TEKT1: variants seen among roughly 807,000 people sequenced by gnomAD.
The protein encoded by TEKT1 is tektin 1, also known as tektin-1.
In TEKT1, 32 loss-of-function variants were observed where a neutral mutation model predicts 34.8. The observed-to-expected ratio is 0.92, with a 90% confidence interval of 0.69 to 1.23. The LOEUF (loss-of-function observed/expected upper bound fraction) is 1.23. Ranked by LOEUF, TEKT1 falls within the 50% of genes most tolerant of loss-of-function variation. The pLI, the probability that TEKT1 is intolerant of heterozygous loss-of-function variation, is 0.00. For missense variants in TEKT1, 492 were observed against 518.5 expected (o/e 0.95, Z 0.50); for synonymous variants, 207 against 199.8 (o/e 1.04, Z -0.30).
At chr17:6,813,946 T>TTCCCTCTCTCTCTCTCTC (rs146111910) in intron 5 of TEKT1, among the ~76,000 whole-genome samples, 4 of 145,852 alleles carry the variant, frequency 2.7e-5, no homozygotes, top group South Asian at 2.3e-4. Flanking sequence ...CTGTCATCCG[T>TTCCCTCTCTCTCTCTCTC]TCTCTCTCTC....
intron 2 of TEKT1, among the ~76,000 whole-genome samples, chr17:6,824,848 A>G (rs565036395): frequency 6.6e-6 from 1 of 152,376 alleles, no homozygotes; most frequent in South Asian, 2.1e-4. Context: ...ATCTTGGGAC[A>G]TACTTATTTT....
At chr17:6,807,401 C>T (rs889741383) in intron 6 of TEKT1, among the ~76,000 whole-genome samples, 14 of 152,002 alleles carry the variant, frequency 9.2e-5, no homozygotes, top group Non-Finnish European at 2.1e-4. Context: ...AACTTCTTTG[C>T]CATGGGTTCG....
rs1976998377 is a variant in TEKT1 at position 6,815,866 on chromosome 17, G to T, written c.453C>A (p.Thr151=). 1 of 1,614,190 alleles carries T rather than the reference G, an allele frequency of 6.2e-7. No homozygotes were observed. Among genetic ancestry groups the T allele is most frequent in the Non-Finnish European group, 8.5e-7 (1 of 1,180,038 alleles). Residue 151 remains threonine (T), a synonymous_variant, in exon 4 of 8, where the codon ACC becomes ACA. Coordinates refer to ENST00000338694, the MANE Select transcript of TEKT1 (RefSeq NM_053285.2). ...GCTCGGAAGCCTCCTCCAAGGTACG[G>T]GTCAGCAGAGCCATAATGCCCTGGA... ...EIIQGIMALL[T]RTLEEASEQI... is the part of the protein sequence containing the mutation.
At chr17:6,817,775 T>C (rs1310628181) in intron 3 of TEKT1, among the ~76,000 whole-genome samples, 1 of 152,018 alleles carries the variant, frequency 6.6e-6, no homozygotes, top group African/African-American at 2.4e-5. Flanking sequence ...AAAATGGGGG[T>C]AATTATTAGT....
intron 2 of TEKT1, among the ~76,000 whole-genome samples, chr17:6,828,842 A>AT (rs1302363485): frequency 1.3e-5 from 2 of 152,126 alleles, no homozygotes; most frequent in Non-Finnish European, 2.9e-5. Context: ...TCTTTGCTAA[A>AT]GAACGCTACC....
chr17:6,815,721 G>A (rs1976996099), intron 4 of TEKT1, 113 bp downstream of exon 4: 2 of 1,474,682 alleles, frequency 1.4e-6, no homozygotes, highest in Non-Finnish European at 1.8e-6. Flanking sequence ...CACAAAGTGG[G>A]AGCGGGAATG....
intron 6 of TEKT1, among the ~76,000 whole-genome samples, chr17:6,801,237 C>T (rs1162061683): frequency 1.3e-5 from 2 of 152,214 alleles, no homozygotes; most frequent in Non-Finnish European, 2.9e-5. Flanking sequence ...CACTACTGCT[C>T]AAAGCTGCCT....
At chr17:6,801,049 G>T (rs1597783965) in intron 6 of TEKT1, 106 bp from the exon 7 acceptor site, 1 of 1,101,640 alleles carries the variant, frequency 9.1e-7, no homozygotes, top group East Asian at 2.4e-5. Context: ...GGGAACCTCA[G>T]ATTTCTTCTT....
At position 6,823,517 on chromosome 17, in the gene TEKT1, G is replaced by C. The variant is rs962651199; in HGVS notation, c.191-4159C>G. Among the ~76,000 whole-genome samples, 4 of 152,132 alleles carry C rather than the reference G, an allele frequency of 2.6e-5. No individual in the cohort carries two copies. In the South Asian group the frequency reaches 8.3e-4, roughly 32 times the overall value. Reference sequence around the variant, plus strand: ...TGGGGCATAGCTTTATTATTATTTTGTTAGCTTTACTGTTATTAATTCTTT... The same window carrying C: ...TGGGGCATAGCTTTATTATTATTTTCTTAGCTTTACTGTTATTAATTCTTT... On this transcript the variant is annotated intron_variant, in intron 2 of 7. Transcript: ENST00000338694.
intron 2 of TEKT1, among the ~76,000 whole-genome samples, chr17:6,828,281 A>G (rs949290006): frequency 1.3e-5 from 2 of 152,128 alleles, no homozygotes; most frequent in Admixed American, 6.5e-5. Flanking sequence ...TTGCACAATT[A>G]TTTAGAACAG....
intron 2 of TEKT1, among the ~76,000 whole-genome samples, chr17:6,829,399 T>A (rs955424669): frequency 6.6e-6 from 1 of 152,214 alleles, no homozygotes; most frequent in Admixed American, 6.5e-5. Context: ...TTATACAAAA[T>A]GGTGTAGTGT....
intron 3 of TEKT1, among the ~76,000 whole-genome samples, chr17:6,817,614 A>G (rs894101103): frequency 1.3e-5 from 2 of 151,832 alleles, no homozygotes; most frequent in African/African-American, 4.9e-5. Flanking sequence ...TCTAGCCAAG[A>G]TGCCATCCTC....
chr17:6,816,044 A>T lies in TEKT1; in HGVS notation c.357-82T>A, dbSNP rs954033707. On this transcript the variant is annotated intron_variant, in intron 3 of 7. Transcript: ENST00000338694. The stretch of plus-strand genomic sequence containing the variant: ...ATTGGCTAATGGCTGCACACTCAGA[A>T]CTATCTGCACGACTGATTTGAGTGT... 3.2e-6 allele frequency: 5 copies of T among 1,558,554 alleles called. No homozygotes were observed. In the African/African-American group the frequency reaches 6.8e-5, roughly 21 times the overall value.
Position 6,813,946 on chromosome 17 carries a change from T to TTCTCTCTCTCTCTCTCTCTCTCTC in TEKT1, c.630-917_630-894dup, listed in dbSNP as rs71157224. On this transcript the variant is annotated intron_variant, in intron 5 of 7. Transcript: ENST00000338694. ...AAAAGACTGTGGCTTCTGTCATCCG[T>TTCTCTCTCTCTCTCTCTCTCTCTC]TCTCTCTCTCTCTCTCTCTCTCTCT... Among the ~76,000 whole-genome samples the TTCTCTCTCTCTCTCTCTCTCTCTC allele has an allele frequency of 3.4e-4, 49 of 145,850 alleles. 1 individual carries two copies. Among genetic ancestry groups the TTCTCTCTCTCTCTCTCTCTCTCTC allele is most frequent in the Admixed American group, 7.6e-4 (11 of 14,568 alleles).
intron 6 of TEKT1, among the ~76,000 whole-genome samples, chr17:6,809,479 G>T (rs186362476): frequency 2.0e-4 from 30 of 152,102 alleles, no homozygotes; most frequent in Admixed American, 1.3e-3. Flanking sequence ...TGATCCACCC[G>T]CCTCAGCCTC....
chr17:6,826,674 C>T (rs900417317), intron 2 of TEKT1, among the ~76,000 whole-genome samples: 8 of 148,696 alleles, frequency 5.4e-5, no homozygotes, highest in Admixed American at 6.7e-5. Flanking sequence ...ATAGATAATA[C>T]GAGGTAGGGG....
chr17:6,800,633 G>A (rs894734443), intron 7 of TEKT1, 114 bp downstream of exon 7: 1 of 1,299,552 alleles, frequency 7.7e-7, no homozygotes, highest in Non-Finnish European at 1.1e-6. Flanking sequence ...CATTCCTCAA[G>A]CATTCCAGAG....
chr17:6,816,832 A>T (rs1050140728), intron 3 of TEKT1, among the ~76,000 whole-genome samples: 2 of 152,066 alleles, frequency 1.3e-5, no homozygotes, highest in Non-Finnish European at 2.9e-5. Flanking sequence ...GGTTGCACTA[A>T]TTTACCCTCC....
chr17:6,806,368 C>A (rs1455595108), intron 6 of TEKT1, among the ~76,000 whole-genome samples: 2 of 152,152 alleles, frequency 1.3e-5, no homozygotes, highest in Non-Finnish European at 2.9e-5. Context: ...TGTCTCTGCA[C>A]ATGAGATGGG....
Sources: gnomAD v4.1 joint callset for allele counts (sites outside exome capture counted in the v4.1 genomes callset) on GRCh38, gnomAD v4.1.1 for gene constraint, MANE v1.5 for transcripts, NCBI Gene and HGNC (gene_info 2026-07-23, HGNC 2026-07-21) for gene names.